The following SLC31A2 variants were observed in gnomAD, a reference collection of about 807,000 sequenced individuals.
SLC31A2 encodes protein SLC31A2.
In SLC31A2, 16 loss-of-function variants were observed where a neutral mutation model predicts 14.4. The observed-to-expected ratio is 1.11, with a 90% CI of 0.75 to 1.69. The LOEUF is 1.69. Among genes scored for constraint, SLC31A2 ranks in the 40% most tolerant of loss-of-function variants. The pLI, the probability that SLC31A2 is intolerant of heterozygous loss-of-function variation, is 0.00. For missense variants in SLC31A2, 140 were observed against 173.9 expected, an observed-to-expected ratio of 0.81 and a Z score of 1.10; for synonymous variants, 56 against 68.7, an observed-to-expected ratio of 0.82 and a Z score of 0.91.
chr9:113,152,096 C>G (rs970262046), intron 1 of SLC31A2: 2 of 152,234 alleles, frequency 1.3e-5, no homozygotes, highest in Non-Finnish European at 2.9e-5. Context: ...CATCTCCTTC[C>G]CAACCCTTGT....
Position 113,162,937 on chromosome 9 carries a change from C to A in SLC31A2, c.*20C>A, listed in dbSNP as rs375839829. The A allele has an allele frequency of 3.4e-5, 53 of 1,580,106 alleles. No individual in the cohort carries two copies. The highest frequency in any genetic ancestry group is 4.0e-5 in the Non-Finnish European group (46 of 1,163,138). ...GCTTAGCTGGTGAGGAACGTGCAGGCACTGAGGCTGGAGGGACATGGAGCC... is the reference window on the plus strand; with the variant it reads ...GCTTAGCTGGTGAGGAACGTGCAGGAACTGAGGCTGGAGGGACATGGAGCC... On this transcript the variant is annotated 3_prime_UTR_variant, in exon 4 of 4. Transcript: ENST00000259392.
chr9:113,159,045 GACAA>G (rs1829970724), intron 2 of SLC31A2, among the ~76,000 whole-genome samples: 1 of 152,188 alleles, frequency 6.6e-6, no homozygotes, highest in African/African-American at 2.4e-5. Context: ...CTGTCATTTG[GACAA>G]ACAGAGGCTG....
intron 1 of SLC31A2, chr9:113,156,026 G>A (rs10121117): frequency 0.47 from 241,177 of 518,318 alleles, 58,020 homozygotes; most frequent in Middle Eastern, 0.52. Flanking sequence ...TAGGGCTGTC[G>A]TCTGCAAGCA....
chr9:113,162,201 C>T (rs1403935871), intron 3 of SLC31A2: 8 of 280,348 alleles, frequency 2.9e-5, no homozygotes, highest in East Asian at 1.3e-4. Flanking sequence ...TAAGCCTGCC[C>T]GCTCCATCAC....
chr9:113,158,018 G>GGAGGCAGC (rs749491425), intron 2 of SLC31A2: 15 of 625,880 alleles, frequency 2.4e-5, no homozygotes, highest in South Asian at 2.3e-4. Context: ...CGAGAGGCAG[G>GGAGGCAGC]GAGGCAGCTT....
chr9:113,153,053 C>T lies in SLC31A2; in HGVS notation c.6+1973C>T, dbSNP rs564346166. Among the ~76,000 whole-genome samples the T allele has an allele frequency of 2.0e-5, 3 of 151,650 alleles. No homozygotes were observed. The East Asian group carries it at 5.8e-4, about 29-fold the overall frequency. ...CATCTCCGGTGTAAATGGAGTTTCA[C>T]AGTATTGTTTGTACCTGTTTGGTTT... On this transcript the variant is annotated intron_variant, in intron 1 of 3. Coordinates refer to ENST00000259392, the MANE Select transcript of SLC31A2 (RefSeq NM_001860.3).
chr9:113,159,139 C>T (rs952945320), intron 2 of SLC31A2, among the ~76,000 whole-genome samples: 1 of 151,976 alleles, frequency 6.6e-6, no homozygotes, highest in Non-Finnish European at 1.5e-5. Flanking sequence ...GAAAACTGAT[C>T]TTTCTCTTTT....
At chr9:113,156,801 C>G (rs1829939653) in intron 1 of SLC31A2, among the ~76,000 whole-genome samples, 1 of 152,190 alleles carries the variant, frequency 6.6e-6, no homozygotes, top group Non-Finnish European at 1.5e-5. Flanking sequence ...TCCCACTGTA[C>G]CCTCCTTTCT....
chr9:113,153,145 A>T (rs1829889819), intron 1 of SLC31A2, among the ~76,000 whole-genome samples: 1 of 149,992 alleles, frequency 6.7e-6, no homozygotes, highest in Admixed American at 6.6e-5. Context: ...AAAGCCTAAC[A>T]GGAGAGATCT....
rs769880923 is a variant in SLC31A2 at position 113,151,026 on chromosome 9, A to G, written c.-49A>G. The G allele has an allele frequency of 1.5e-6, 2 of 1,296,358 alleles. No homozygotes were observed. Among genetic ancestry groups the G allele is most frequent in the South Asian group, 2.9e-5 (1 of 34,918 alleles). 80.3% of individuals were successfully genotyped at this position (1,296,358 alleles called of 1,614,324 possible). On this transcript the variant is annotated 5_prime_UTR_variant, in exon 1 of 4. Coordinates refer to ENST00000259392, the MANE Select transcript of SLC31A2 (RefSeq NM_001860.3). The surrounding 1 kb of genome is among the most constrained non-coding windows in gnomAD (Gnocchi z 4.2). ...GCGGTTGAACTGACTCGGAGCGAGG[A>G]GACCCGAGCGAGCAGACGCGGCCCT...
chr9:113,157,313 A>C (rs1829945992), intron 1 of SLC31A2, among the ~76,000 whole-genome samples: 1 of 152,196 alleles, frequency 6.6e-6, no homozygotes, highest in Non-Finnish European at 1.5e-5. Flanking sequence ...GAACAGGACA[A>C]AGAGGACTCC....
At chr9:113,161,271 G>A (rs991433027) in intron 2 of SLC31A2, 12 of 524,024 alleles carry the variant, frequency 2.3e-5, no homozygotes, top group Admixed American at 1.5e-4. Context: ...GTAATGGTAC[G>A]TGGCTTCTTC....
At chr9:113,157,872 T>G (rs1829954083) in intron 2 of SLC31A2, 79 bp downstream of exon 2, 1 of 1,076,982 alleles carries the variant, frequency 9.3e-7, no homozygotes, top group Admixed American at 2.0e-5. Context: ...TTCTCTTGAT[T>G]CTCTGTGGGC....
chr9:113,153,436 A>C (rs535144161), intron 1 of SLC31A2, among the ~76,000 whole-genome samples: 1 of 151,982 alleles, frequency 6.6e-6, no homozygotes, highest in South Asian at 2.1e-4. Flanking sequence ...CCCAACAAAC[A>C]CCTGTCCTAG....
chr9:113,155,931 A>ACT (rs899463919), intron 1 of SLC31A2: 10 of 421,472 alleles, frequency 2.4e-5, no homozygotes, highest in Non-Finnish European at 4.8e-5. Context: ...CTGGACTCAG[A>ACT]CTACTATTCT....
At chr9:113,162,049 C>G in intron 3 of SLC31A2, 1 of 378,138 alleles carries the variant, frequency 2.6e-6, no homozygotes, top group South Asian at 2.3e-5. Context: ...AGGAGGGGAT[C>G]TGCAGCTGTC....
intron 3 of SLC31A2, 139 bp from the exon 4 acceptor site, chr9:113,162,610 A>G (rs1381887294): frequency 9.7e-6 from 7 of 718,640 alleles, no homozygotes; most frequent in Non-Finnish European, 1.5e-5. Context: ...GCAGAAAGAA[A>G]TCACTCCTGG....
rs905127571 is a variant in SLC31A2 at position 113,163,875 on chromosome 9, T to G, written c.*958T>G. On this transcript the variant is annotated 3_prime_UTR_variant, in exon 4 of 4. Transcript: ENST00000259392. ...TTACTGCTTACTCGTAATGATCTAG[T>G]GGGGAAACATGATTCATTCACTTAA... 7.3e-5 allele frequency: 11 copies of G among 151,164 alleles called. No homozygotes were observed. Among genetic ancestry groups the G allele is most frequent in the Non-Finnish European group, 1.2e-4 (8 of 67,886 alleles). 9.4% of individuals were successfully genotyped at this position (151,164 alleles called of 1,614,324 possible). A position where few individuals can be genotyped will look rare whatever the true frequency, so the allele number is the denominator to read the frequency against.
At chr9:113,153,818 C>T (rs549988618) in intron 1 of SLC31A2, among the ~76,000 whole-genome samples, 2 of 152,256 alleles carry the variant, frequency 1.3e-5, no homozygotes, top group East Asian at 1.9e-4. Flanking sequence ...AAGTCAGACC[C>T]CTTTTGGCAC....
Sources: gnomAD v4.1 joint callset for allele counts (sites outside exome capture counted in the v4.1 genomes callset) on GRCh38, gnomAD v4.1.1 for gene constraint, Gnocchi (gnomAD v3.1) non-coding constraint, MANE v1.5 for transcripts, NCBI Gene and HGNC (gene_info 2026-07-23, HGNC 2026-07-21) for gene names.